Variants in TANC2 observed in about 807,000 individuals in gnomAD.
TANC2 encodes tetratricopeptide repeat, ankyrin repeat and coiled-coil containing 2.
Under a neutral mutation model 210.5 loss-of-function variants are expected in TANC2, and 26 were observed. The ratio of observed to expected loss-of-function variants is 0.12; its 90% CI spans 0.09 to 0.17. The LOEUF is 0.17. TANC2 is among the 10% of genes least tolerant of loss of function. The pLI, the probability that TANC2 is intolerant of heterozygous loss-of-function variation, is 1.00. For synonymous variants in TANC2, 931 were observed against 967.1 expected (o/e 0.96, Z 0.69); for missense variants, 2,129 against 2,608.9 (o/e 0.82, Z 4.01).
intron 1 of TANC2, among the ~76,000 whole-genome samples, chr17:62,996,711 A>T (rs781214327): frequency 3.2e-4 from 49 of 151,702 alleles, no homozygotes; most frequent in Middle Eastern, 3.4e-3. Context: ...GAGTTCTTCC[A>T]TTCTTCTCTA....
intron 18 of TANC2, chr17:63,396,765 C>T (rs1193056958): frequency 6.6e-6 from 1 of 151,946 alleles, no homozygotes; most frequent in African/African-American, 2.4e-5. Flanking sequence ...GGGAGCTAAA[C>T]ATTGAGTACC....
chr17:63,271,653 C>T (rs2146294187), intron 9 of TANC2, among the ~76,000 whole-genome samples: 1 of 151,350 alleles, frequency 6.6e-6, no homozygotes, highest in South Asian at 2.1e-4. Flanking sequence ...TGTTCCCCTC[C>T]CTGTGTCTGT....
At chr17:63,278,862 T>A (rs79458836) in intron 9 of TANC2, among the ~76,000 whole-genome samples, 2,034 of 152,202 alleles carry the variant, frequency 0.013, 48 homozygotes, top group African/African-American at 0.046. Context: ...AGGACAAATA[T>A]GACATGATTC....
At chr17:63,368,405 T>G (rs192824520) in intron 14 of TANC2, among the ~76,000 whole-genome samples, 132 of 152,330 alleles carry the variant, frequency 8.7e-4, no homozygotes, top group African/African-American at 3.1e-3. Flanking sequence ...CATGCAGCTA[T>G]AACTTTGTGC....
At chr17:63,327,233 G>A (rs762747492) in intron 11 of TANC2, among the ~76,000 whole-genome samples, 1 of 152,242 alleles carries the variant, frequency 6.6e-6, no homozygotes, top group East Asian at 1.9e-4. Flanking sequence ...ATAAGTGTTG[G>A]CAAGGATGTG....
At chr17:62,996,972 T>C (rs9904740) in intron 1 of TANC2, among the ~76,000 whole-genome samples, 206 of 60,278 alleles carry the variant, frequency 3.4e-3, no homozygotes, top group African/African-American at 0.011. Flanking sequence ...CACCACCACG[T>C]CTGGCTAATT....
chr17:63,074,671 G>A (rs566935586), intron 3 of TANC2, among the ~76,000 whole-genome samples: 2 of 151,988 alleles, frequency 1.3e-5, no homozygotes, highest in East Asian at 3.9e-4. Flanking sequence ...TGGATGTTGC[G>A]TGATAGCAGT....
intron 4 of TANC2, among the ~76,000 whole-genome samples, chr17:63,120,264 A>G (rs182771180): frequency 6.6e-5 from 10 of 152,226 alleles, no homozygotes; most frequent in Admixed American, 3.9e-4. Context: ...AAAATCCACT[A>G]TAGACCTCCC....
intron 5 of TANC2, among the ~76,000 whole-genome samples, chr17:63,184,990 A>AG (rs1285478748): frequency 7.2e-6 from 1 of 139,220 alleles, no homozygotes; most frequent in Non-Finnish European, 1.6e-5. Flanking sequence ...TTTTTTTTGG[A>AG]GGGGGGGTTG....
intron 11 of TANC2, among the ~76,000 whole-genome samples, chr17:63,324,435 A>G (rs2045584077): frequency 6.6e-6 from 1 of 152,208 alleles, no homozygotes; most frequent in East Asian, 1.9e-4. Flanking sequence ...TAATCCTTTA[A>G]TATTGAGCAT....
chr17:63,282,225 G>T (rs2044079673), intron 9 of TANC2, among the ~76,000 whole-genome samples: 1 of 151,924 alleles, frequency 6.6e-6, no homozygotes, highest in Admixed American at 6.6e-5. Context: ...TAAAATTTAT[G>T]AATCTTAATA....
intron 9 of TANC2, among the ~76,000 whole-genome samples, chr17:63,311,581 T>C (rs1478376849): frequency 1.3e-5 from 2 of 152,164 alleles, no homozygotes; most frequent in African/African-American, 2.4e-5. Flanking sequence ...AGTTGGGCAG[T>C]TTCTCAGAAA....
intron 5 of TANC2, chr17:63,152,965 G>T (rs1034369471): frequency 4.6e-5 from 7 of 152,136 alleles, no homozygotes; most frequent in African/African-American, 1.7e-4. Context: ...AAGCAAGGAA[G>T]AAACTAAAAC....
intron 9 of TANC2, among the ~76,000 whole-genome samples, chr17:63,281,581 A>G (rs897255295): frequency 6.6e-6 from 1 of 152,122 alleles, no homozygotes; most frequent in Non-Finnish European, 1.5e-5. Flanking sequence ...AAATCAGCAT[A>G]CTTGAGAGGA....
In TANC2 at chr17:63,001,443, A is replaced by G. The variant is rs241070; in HGVS notation, c.-23-8094A>G. 5.0e-3 allele frequency among the ~76,000 whole-genome samples: 754 copies of G among 152,022 alleles called. 6 individuals are homozygous for G. Among genetic ancestry groups the G allele is most frequent in the African/African-American group, 0.017 (693 of 41,502 alleles). ...TTTGCTCAGTTTATTTACTCATTCA[A>G]GAAATGTTGAGAGCCTACCATGAAC... On this transcript the variant is annotated intron_variant, in intron 1 of 27. Coordinates refer to ENST00000689528, the Ensembl canonical transcript of TANC2.
chr17:63,298,953 G>A (rs2044623368), intron 9 of TANC2, among the ~76,000 whole-genome samples: 1 of 151,996 alleles, frequency 6.6e-6, no homozygotes, highest in Admixed American at 6.6e-5. Flanking sequence ...CCTGGTGTGT[G>A]TTGTTTCCCT....
intron 5 of TANC2, among the ~76,000 whole-genome samples, chr17:63,180,681 T>C (rs2040750398): frequency 6.6e-6 from 1 of 152,142 alleles, no homozygotes; most frequent in African/African-American, 2.4e-5. Flanking sequence ...TCAGAAAATA[T>C]TTCTTGAATG....
At chr17:63,378,495 A>G (rs1225731925) in intron 14 of TANC2, among the ~76,000 whole-genome samples, 2 of 152,204 alleles carry the variant, frequency 1.3e-5, no homozygotes, top group African/African-American at 2.4e-5. Context: ...ATAGGGCTCA[A>G]ACTTTATTTT....
intron 7 of TANC2, among the ~76,000 whole-genome samples, chr17:63,234,181 A>G (rs1201075941): frequency 1.3e-5 from 2 of 152,170 alleles, no homozygotes; most frequent in Non-Finnish European, 2.9e-5. Flanking sequence ...TCTTGCACCT[A>G]TTCCCCTACC....
Sources: allele counts gnomAD v4.1 joint callset (sites outside exome capture counted in the v4.1 genomes callset), GRCh38; gene constraint gnomAD v4.1.1; transcripts MANE v1.5; gene names NCBI Gene and HGNC (gene_info 2026-07-23, HGNC 2026-07-21).